The following SV2B variants were observed in gnomAD, a reference collection of about 807,000 sequenced individuals.
The protein encoded by SV2B is synaptic vesicle glycoprotein 2B.
Under a neutral mutation model 73.9 loss-of-function variants are expected in SV2B, and 41 were observed. The observed-to-expected ratio is 0.56, with a 90% CI of 0.43 to 0.72. SV2B has a LOEUF of 0.72. SV2B is among the 30% of genes least tolerant of loss of function. The pLI, the probability that SV2B is intolerant of heterozygous loss-of-function variation, is 0.00. For synonymous variants in SV2B, 314 were observed against 314.2 expected (o/e 1.00, Z 0.01); for missense variants, 764 against 857.8 (o/e 0.89, Z 1.37).
intron 1 of SV2B, among the ~76,000 whole-genome samples, chr15:91,196,208 C>T (rs1399846891): frequency 6.6e-6 from 1 of 152,184 alleles, no homozygotes; most frequent in Non-Finnish European, 1.5e-5. Context: ...AACATTTATT[C>T]ACTCCACTAT....
chr15:91,277,222 G>T (rs1427831426), intron 9 of SV2B, among the ~76,000 whole-genome samples: 1 of 152,184 alleles, frequency 6.6e-6, no homozygotes, highest in African/African-American at 2.4e-5. Flanking sequence ...CACCTCTTTT[G>T]CTAGGTTTTA....
intron 1 of SV2B, among the ~76,000 whole-genome samples, chr15:91,212,797 A>T (rs1053434877): frequency 1.3e-5 from 2 of 151,840 alleles, no homozygotes; most frequent in Non-Finnish European, 2.9e-5. Flanking sequence ...CTATAAAAAA[A>T]TTTTTAAAAA....
intron 2 of SV2B, among the ~76,000 whole-genome samples, chr15:91,248,779 T>C (rs1451071886): frequency 6.6e-6 from 1 of 152,212 alleles, no homozygotes; most frequent in African/African-American, 2.4e-5. Flanking sequence ...CAGTATATGA[T>C]TTTAACAAGA....
chr15:91,180,578 G>A (rs546454627), intron 1 of SV2B, among the ~76,000 whole-genome samples: 27 of 152,260 alleles, frequency 1.8e-4, no homozygotes, highest in African/African-American at 6.3e-4. Context: ...ATTTCTTGGA[G>A]GCTTTGTTCA....
intron 1 of SV2B, among the ~76,000 whole-genome samples, chr15:91,147,377 C>T (rs903784841): frequency 2.0e-5 from 3 of 152,172 alleles, no homozygotes; most frequent in African/African-American, 7.2e-5. Context: ...TCCAGCTTGC[C>T]CAGATGTGCC....
chr15:91,234,065 C>A lies in SV2B; in HGVS notation c.451+7351C>A, dbSNP rs553055680. Reference sequence around the variant, plus strand: ...TTGCAGCTTGTAGGGCTGGAAAAAACTCTACTATTTGTTTCATTGGTTGGC... The same window carrying A: ...TTGCAGCTTGTAGGGCTGGAAAAAAATCTACTATTTGTTTCATTGGTTGGC... On this transcript the variant is annotated intron_variant, in intron 2 of 12. Transcript: ENST00000394232. The surrounding 1 kb of genome is among the most constrained non-coding windows in gnomAD (Gnocchi z 5.6). Among the ~76,000 whole-genome samples the A allele has an allele frequency of 2.0e-5, 3 of 152,214 alleles. No homozygotes were observed. The highest frequency in any genetic ancestry group is 4.4e-5 in the Non-Finnish European group (3 of 68,032).
chr15:91,269,238 C>T (rs1191475340), intron 9 of SV2B, among the ~76,000 whole-genome samples: 1 of 152,110 alleles, frequency 6.6e-6, no homozygotes, highest in East Asian at 1.9e-4. Flanking sequence ...CCCTGTTGTG[C>T]TTTAGGAATG....
chr15:91,273,052 C>T (rs769482401), intron 9 of SV2B, among the ~76,000 whole-genome samples: 51 of 152,020 alleles, frequency 3.4e-4, no homozygotes, highest in Non-Finnish European at 2.6e-4. Context: ...AGGCTGGTCT[C>T]GAACTCCTGA....
intron 1 of SV2B, among the ~76,000 whole-genome samples, chr15:91,199,593 G>A (rs1431434163): frequency 6.6e-6 from 1 of 152,246 alleles, no homozygotes; most frequent in Non-Finnish European, 1.5e-5. Context: ...AATCCCAGTT[G>A]TGGGCAGTGG....
intron 1 of SV2B, among the ~76,000 whole-genome samples, chr15:91,221,863 T>A (rs2046230976): frequency 6.6e-6 from 1 of 152,160 alleles, no homozygotes; most frequent in Admixed American, 6.5e-5. Flanking sequence ...TTTAACAACC[T>A]TCACTGGCTC....
rs566711673 is a variant in SV2B, at chr15:91,210,093, G to A, written c.-391-15780G>A. Among the ~76,000 whole-genome samples the A allele has an allele frequency of 1.8e-4, 27 of 152,088 alleles. No individual in the cohort carries two copies. In the East Asian group the frequency reaches 3.9e-3, roughly 22 times the overall value. Reference sequence around the variant, plus strand: ...GAGAACCACAGGGCCAATGACACCCGGGGGCTGAGTCTATGGCAGGATAAT... The same window carrying A: ...GAGAACCACAGGGCCAATGACACCCAGGGGCTGAGTCTATGGCAGGATAAT... On this transcript the variant is annotated intron_variant, in intron 1 of 12. Coordinates refer to ENST00000394232, the MANE Select transcript of SV2B (RefSeq NM_001323032.3).
chr15:91,129,161 C>G lies in SV2B; in HGVS notation c.-392+28798C>G, dbSNP rs979585133. Among the ~76,000 whole-genome samples, 2 of 152,300 alleles carry G rather than the reference C, an allele frequency of 1.3e-5. No homozygotes were observed. Among genetic ancestry groups the G allele is most frequent in the Non-Finnish European group, 2.9e-5 (2 of 68,036 alleles). Reference sequence around the variant, plus strand: ...AGCGTATGTGTGAGATCCTTGGGATCAAGTCACTTCAACAAATATTTAACA... The same window carrying G: ...AGCGTATGTGTGAGATCCTTGGGATGAAGTCACTTCAACAAATATTTAACA... On this transcript the variant is annotated intron_variant, in intron 1 of 12. Coordinates refer to ENST00000394232, the MANE Select transcript of SV2B (RefSeq NM_001323032.3). This position sits in a 1 kb window ranked among gnomAD's most constrained non-coding sequence, Gnocchi z 5.1.
At position 91,268,641 on chromosome 15, in the gene SV2B, G is replaced by T; in HGVS notation, c.1373+36G>T. On this transcript the variant is annotated intron_variant, in intron 9 of 12. Coordinates refer to ENST00000394232, the MANE Select transcript of SV2B (RefSeq NM_001323032.3). The surrounding 1 kb of genome is among the most constrained non-coding windows in gnomAD (Gnocchi z 4.4). The stretch of plus-strand genomic sequence containing the variant: ...GATCACGGGCTTCCCTCACATCAGG[G>T]TGACAGTCGTGGGGACTGTTATTGG... 1.3e-6 allele frequency: 2 copies of T among 1,596,520 alleles called. No homozygotes were observed. Among genetic ancestry groups the T allele is most frequent in the Non-Finnish European group, 1.7e-6 (2 of 1,166,730 alleles).
Position 91,136,836 on chromosome 15 carries a change from CAA to C in SV2B, c.-392+36474_-392+36475del, listed in dbSNP as rs1349387942. Among the ~76,000 whole-genome samples the C allele has an allele frequency of 2.6e-5, 4 of 152,070 alleles. No individual in the cohort carries two copies. Among genetic ancestry groups the C allele is most frequent in the Non-Finnish European group, 4.4e-5 (3 of 68,030 alleles). On this transcript the variant is annotated intron_variant, in intron 1 of 12. Coordinates refer to ENST00000394232, the MANE Select transcript of SV2B (RefSeq NM_001323032.3). The surrounding 1 kb of genome is among the most constrained non-coding windows in gnomAD (Gnocchi z 5.6). ...CCAGAGGTGGGTGGCAGTGATGAAA[CAA>C]GAGGGCAAGCAGCTTTGGCAGGAGA...
chr15:91,267,603 A>G lies in SV2B; in HGVS notation c.1168A>G (p.Thr390Ala). ...TGTGATGGGGCCCTACAGAATGAAT[A>G]CACTGATTCTGGCCGTGGTTTGGTT... ...YCVMGPYRMN[T>A]LILAVVWFAM... The change falls in exon 8 of 13, where the codon ACA becomes GCA. Residue 390 changes from threonine (T) to alanine (A), a missense_variant. Thr to Ala is a moderately conservative substitution (Grantham distance 58). Transcript: ENST00000394232. This position sits in a 1 kb window ranked among gnomAD's most constrained non-coding sequence, Gnocchi z 4.3. 1 of 1,613,330 alleles carries G rather than the reference A, an allele frequency of 6.2e-7. No individual in the cohort carries two copies. Among genetic ancestry groups the G allele is most frequent in the Non-Finnish European group, 8.5e-7 (1 of 1,179,666 alleles).
At position 91,267,158 on chromosome 15, in the gene SV2B, A is replaced by G. The variant is rs140481186; in HGVS notation, c.1120-397A>G. Among the ~76,000 whole-genome samples the G allele has an allele frequency of 0.012, 1,893 of 152,336 alleles. 40 individuals carry two copies. Among genetic ancestry groups the G allele is most frequent in the African/African-American group, 0.043 (1,783 of 41,576 alleles). ...CTATTGAGCACTGAGGCAGCCAGAC[A>G]GCCAGCGTCTATTGGGACTGGTTGG... is the stretch of plus-strand genomic sequence containing the variant. On this transcript the variant is annotated intron_variant, in intron 7 of 12. Transcript: ENST00000394232. The surrounding 1 kb of genome is among the most constrained non-coding windows in gnomAD (Gnocchi z 4.3).
chr15:91,117,617 C>T (rs2151738747), intron 1 of SV2B, among the ~76,000 whole-genome samples: 1 of 152,318 alleles, frequency 6.6e-6, no homozygotes, highest in South Asian at 2.1e-4. Context: ...TGCCAAATGG[C>T]AGGAGGACAT....
chr15:91,210,954 T>C (rs1567348393), intron 1 of SV2B, among the ~76,000 whole-genome samples: 1 of 152,206 alleles, frequency 6.6e-6, no homozygotes, highest in Non-Finnish European at 1.5e-5. Flanking sequence ...GCATAGGCCC[T>C]CCAGGCAGTA....
rs868310701 is a variant in SV2B at position 91,302,158 on chromosome 15, C to G, written c.*9606C>G. On this transcript the variant is annotated 3_prime_UTR_variant, in exon 13 of 13. Coordinates refer to ENST00000394232, the MANE Select transcript of SV2B (RefSeq NM_001323032.3). ...ATTGTGACTAACACAGTATTTGATA[C>G]GTAGTAGGTCTCAATAGATGATGAA... Among the ~76,000 whole-genome samples, 2 of 152,170 alleles carry G rather than the reference C, an allele frequency of 1.3e-5. No homozygotes were observed. Among genetic ancestry groups the G allele is most frequent in the Non-Finnish European group, 2.9e-5 (2 of 68,030 alleles).
Sources: gnomAD v4.1 joint callset for allele counts (sites outside exome capture counted in the v4.1 genomes callset) on GRCh38, gnomAD v4.1.1 for gene constraint, Gnocchi (gnomAD v3.1) non-coding constraint, MANE v1.5 for transcripts, NCBI Gene and HGNC (gene_info 2026-07-23, HGNC 2026-07-21) for gene names.